Variants in TNS1 observed in about 807,000 individuals in gnomAD.
The protein encoded by TNS1 is tensin 1.
In TNS1, 62 loss-of-function variants were observed where a neutral mutation model predicts 168.6. The ratio of observed to expected loss-of-function variants is 0.37; its 90% CI spans 0.30 to 0.45. The LOEUF (loss-of-function observed/expected upper bound fraction) is 0.45, where lower values mean the gene tolerates loss of function less well. TNS1 is among the 20% of genes least tolerant of loss of function. The pLI is 1.00. For synonymous variants in TNS1, 934 were observed against 933.2 expected (o/e 1.00, Z -0.02); for missense variants, 2,240 against 2,339.4 (o/e 0.96, Z 0.88).
chr2:217,877,986 G>A (rs1462995677), intron 18 of TNS1, among the ~76,000 whole-genome samples: 1 of 152,214 alleles, frequency 6.6e-6, no homozygotes, highest in Non-Finnish European at 1.5e-5. Context: ...AAATAGAAGA[G>A]GTAGGCAGGG....
At chr2:217,984,326 T>C (rs1229285898) in intron 2 of TNS1, among the ~76,000 whole-genome samples, 1 of 152,204 alleles carries the variant, frequency 6.6e-6, no homozygotes, top group Non-Finnish European at 1.5e-5. Flanking sequence ...CAGATCAAGC[T>C]TGTCCAACCT....
chr2:218,000,272 A>G (rs1350592956), intron 1 of TNS1, among the ~76,000 whole-genome samples: 1 of 152,252 alleles, frequency 6.6e-6, no homozygotes, highest in Non-Finnish European at 1.5e-5. Flanking sequence ...TTCCCCATAC[A>G]GGAACATGTG....
intron 18 of TNS1, among the ~76,000 whole-genome samples, chr2:217,863,674 C>T (rs189276861): frequency 4.4e-4 from 67 of 152,188 alleles, no homozygotes; most frequent in Admixed American, 3.6e-3. Flanking sequence ...CAGTTTCCAA[C>T]GTGGTAAAAT....
At chr2:217,825,140 T>C (rs964450733) in intron 22 of TNS1, among the ~76,000 whole-genome samples, 6 of 152,244 alleles carry the variant, frequency 3.9e-5, no homozygotes. Context: ...TCGCTCCTGA[T>C]CTACTCTCTA....
At chr2:217,988,462 C>T (rs936225791) in intron 2 of TNS1, among the ~76,000 whole-genome samples, 1 of 152,170 alleles carries the variant, frequency 6.6e-6, no homozygotes, top group Admixed American at 6.5e-5. Flanking sequence ...CTGCCCCCAC[C>T]CCCAGACTGC....
intron 3 of TNS1, among the ~76,000 whole-genome samples, chr2:217,932,663 G>A (rs776838764): frequency 2.6e-5 from 4 of 152,140 alleles, no homozygotes; most frequent in African/African-American, 4.8e-5. Flanking sequence ...AAGAAACTGA[G>A]AAACAATAGA....
intron 32 of TNS1, 108 bp from the exon 33 acceptor site, chr2:217,804,711 A>G: frequency 3.5e-6 from 5 of 1,416,028 alleles, no homozygotes; most frequent in Non-Finnish European, 4.8e-6. Context: ...TCTCTTCCCC[A>G]TCCCTCCAGC....
intron 16 of TNS1, among the ~76,000 whole-genome samples, chr2:217,884,312 CG>C (rs1341779248): frequency 6.6e-6 from 1 of 150,522 alleles, no homozygotes; most frequent in African/African-American, 2.5e-5. Flanking sequence ...GATGGACAGA[CG>C]GATGGATGAA....
At chr2:217,806,024 G>T (rs1459717848) in intron 32 of TNS1, among the ~76,000 whole-genome samples, 1 of 152,186 alleles carries the variant, frequency 6.6e-6, no homozygotes, top group Non-Finnish European at 1.5e-5. Flanking sequence ...GGTCCACAGG[G>T]CATCCCCCAG....
intron 4 of TNS1, 40 bp downstream of exon 4, chr2:217,920,155 G>T (rs1416263906): frequency 1.4e-6 from 1 of 703,014 alleles, no homozygotes; most frequent in Non-Finnish European, 2.6e-6. Context: ...CGGAGGGAGA[G>T]GAGGCAGGGC....
At chr2:217,851,858 C>A (rs912369330) in intron 18 of TNS1, among the ~76,000 whole-genome samples, 1 of 152,166 alleles carries the variant, frequency 6.6e-6, no homozygotes, top group Non-Finnish European at 1.5e-5. Context: ...AAAGAAGAGA[C>A]CTCAGCCTGG....
chr2:217,915,742 C>T (rs1055185708), intron 4 of TNS1, among the ~76,000 whole-genome samples: 3 of 152,206 alleles, frequency 2.0e-5, no homozygotes, highest in Non-Finnish European at 4.4e-5. Context: ...CAAGAATCCA[C>T]TCCTGACCCA....
At chr2:217,841,185 G>A (rs1945900323) in intron 19 of TNS1, 2 of 982,726 alleles carry the variant, frequency 2.0e-6, no homozygotes, top group South Asian at 4.7e-5. Context: ...GAAGGGGGAA[G>A]GAGAGCCACC....
intron 2 of TNS1, among the ~76,000 whole-genome samples, chr2:217,988,739 G>T (rs1400712401): frequency 6.6e-6 from 1 of 152,102 alleles, no homozygotes; most frequent in Non-Finnish European, 1.5e-5. Context: ...AAAAGTCCTG[G>T]TTAGCCACTT....
intron 3 of TNS1, among the ~76,000 whole-genome samples, chr2:217,920,983 G>A (rs1955648734): frequency 6.6e-6 from 1 of 151,636 alleles, no homozygotes; most frequent in Non-Finnish European, 1.5e-5. Context: ...GAGAGTAGAG[G>A]GGAGGGAGGG....
At chr2:217,946,793 C>A (rs1481317594) in intron 3 of TNS1, among the ~76,000 whole-genome samples, 2 of 152,064 alleles carry the variant, frequency 1.3e-5, no homozygotes, top group African/African-American at 4.8e-5. Flanking sequence ...ACTATAAACC[C>A]AGCAAGTCCC....
At chr2:218,030,134 C>T (rs1958880331) in intron 1 of TNS1, among the ~76,000 whole-genome samples, 1 of 152,134 alleles carries the variant, frequency 6.6e-6, no homozygotes, top group Non-Finnish European at 1.5e-5. Flanking sequence ...TTGACTCTCT[C>T]CCTCCCAATC....
chr2:217,945,197 C>T (rs1318801365), intron 3 of TNS1, among the ~76,000 whole-genome samples: 1 of 152,238 alleles, frequency 6.6e-6, no homozygotes, highest in Non-Finnish European at 1.5e-5. Flanking sequence ...CAGTGGCCTG[C>T]ACCTCCGAGC....
chr2:217,805,876 T>TAC (rs1018024284), intron 32 of TNS1, among the ~76,000 whole-genome samples: 3 of 73,626 alleles, frequency 4.1e-5, no homozygotes, highest in Non-Finnish European at 8.5e-5. Flanking sequence ...ACACAACATA[T>TAC]ACACACACCA....
Sources: gnomAD v4.1 joint callset for allele counts (sites outside exome capture counted in the v4.1 genomes callset) on GRCh38, gnomAD v4.1.1 for gene constraint, MANE v1.5 for transcripts, NCBI Gene and HGNC (gene_info 2026-07-23, HGNC 2026-07-21) for gene names.